ZNF280D: variants seen among roughly 807,000 people sequenced by gnomAD.
ZNF280D encodes the protein zinc finger protein 280D.
ZNF280D carries 39 observed loss-of-function variants against 94.7 expected under a neutral mutation model. The observed-to-expected ratio is 0.41, with a 90% CI of 0.32 to 0.54. ZNF280D has a LOEUF of 0.54. Ranked by LOEUF, ZNF280D falls within the 20% of genes least tolerant of loss-of-function variation. The pLI is 0.22. For synonymous variants in ZNF280D, 398 were observed against 377.6 expected, an observed-to-expected ratio of 1.05 and a Z score of -0.63; for missense variants, 1,090 against 1,149.3, an observed-to-expected ratio of 0.95 and a Z score of 0.75.
intron 6 of ZNF280D, 144 bp downstream of exon 6, chr15:56,700,789 A>G: frequency 6.5e-7 from 1 of 1,543,308 alleles, no homozygotes. Context: ...GCTAGCGAAA[A>G]TATGGTGACA....
chr15:56,657,432 T>G (rs57365637), intron 17 of ZNF280D, among the ~76,000 whole-genome samples: 1,827 of 152,256 alleles, frequency 0.012, 36 homozygotes, highest in African/African-American at 0.042. Context: ...CTTTTTAATA[T>G]TCAAATATTG....
chr15:56,635,087 T>C, intron 21 of ZNF280D, 108 bp downstream of exon 21: 3 of 560,184 alleles, frequency 5.4e-6, no homozygotes, highest in African/African-American at 4.0e-5. Context: ...AATAGCACTA[T>C]ATACAAACAT....
intron 9 of ZNF280D, among the ~76,000 whole-genome samples, chr15:56,685,188 G>A (rs994493798): frequency 5.9e-5 from 9 of 152,090 alleles, no homozygotes; most frequent in African/African-American, 1.9e-4. Context: ...CGACCTCACA[G>A]AAAGATGTTT....
chr15:56,733,113 A>G (rs1310265331), intron 1 of ZNF280D: 1 of 152,814 alleles, frequency 6.5e-6, no homozygotes, highest in African/African-American at 2.4e-5. Context: ...AGTTGCCTCC[A>G]GAGAGAAAAG....
chr15:56,637,969 T>C (rs1239154431), intron 20 of ZNF280D, among the ~76,000 whole-genome samples: 1 of 152,192 alleles, frequency 6.6e-6, no homozygotes, highest in East Asian at 1.9e-4. Flanking sequence ...GGGTCTGTGA[T>C]TGAGTTGTGA....
intron 16 of ZNF280D, among the ~76,000 whole-genome samples, chr15:56,666,108 G>C (rs1430342832): frequency 7.9e-5 from 12 of 152,210 alleles, no homozygotes; most frequent in African/African-American, 2.6e-4. Context: ...TCCAGCCTGG[G>C]CAACAGAGCG....
chr15:56,707,363 T>TCTA, intron 1 of ZNF280D, 57 bp from the exon 2 acceptor site: 4 of 1,415,986 alleles, frequency 2.8e-6, no homozygotes, highest in Non-Finnish European at 2.8e-6. Flanking sequence ...GATGTATACA[T>TCTA]ATTTAATCTT....
intron 15 of ZNF280D, 52 bp downstream of exon 15, chr15:56,666,627 A>C: frequency 1.3e-6 from 2 of 1,516,506 alleles, no homozygotes; most frequent in Non-Finnish European, 1.8e-6. Flanking sequence ...CTAAAGTATA[A>C]GTTTTTATAC....
chr15:56,701,088 AC>A lies in ZNF280D; in HGVS notation c.242-17del, dbSNP rs2057037246. 1.2e-6 allele frequency: 2 copies of A among 1,613,128 alleles called. No individual in the cohort carries two copies. Among genetic ancestry groups the A allele is most frequent in the African/African-American group, 2.7e-5 (2 of 74,862 alleles). On this transcript the variant is annotated splice_polypyrimidine_tract_variant and intron_variant, in intron 5 of 21. Transcript: ENST00000267807. ...GCAGTAATACCTGTATTTTAAAGTA[AC>A]ACAATATATGGAAATTATTTGTACA...
At chr15:56,727,353 G>A (rs1241780961) in intron 1 of ZNF280D, among the ~76,000 whole-genome samples, 3 of 152,222 alleles carry the variant, frequency 2.0e-5, no homozygotes, top group Non-Finnish European at 2.9e-5. Flanking sequence ...CAGCTACTCG[G>A]GAGGCTGAGG....
intron 17 of ZNF280D, 94 bp from the exon 18 acceptor site, chr15:56,654,597 C>A: frequency 8.9e-7 from 1 of 1,123,720 alleles, no homozygotes. Context: ...CTTTTTGTGC[C>A]ATACATAACT....
At chr15:56,704,048 T>G in intron 4 of ZNF280D, 73 bp downstream of exon 4, 1 of 1,538,892 alleles carries the variant, frequency 6.5e-7, no homozygotes, top group Non-Finnish European at 8.9e-7. Flanking sequence ...AACTACCTAT[T>G]AAACAGTTCA....
In ZNF280D at chr15:56,704,098, T is replaced by C. The variant is rs778311178; in HGVS notation, c.175+23A>G. 24 of 1,611,912 alleles carry C rather than the reference T, an allele frequency of 1.5e-5. No homozygotes were observed. In the East Asian group the frequency reaches 4.5e-4, roughly 30 times the overall value. Reference sequence around the variant, plus strand: ...AGAAATAATACCTTATAAAGCTTGGTTTCACTAAAAGTAAATGCTTACTTG... The same window carrying C: ...AGAAATAATACCTTATAAAGCTTGGCTTCACTAAAAGTAAATGCTTACTTG... On this transcript the variant is annotated intron_variant, in intron 4 of 21. Transcript: ENST00000267807.
chr15:56,663,356 A>G (rs1039048059), intron 16 of ZNF280D, among the ~76,000 whole-genome samples: 1 of 151,958 alleles, frequency 6.6e-6, no homozygotes. Context: ...AGATTAACCA[A>G]CTTACAGGGA....
chr15:56,733,304 G>A (rs2058996992), intron 1 of ZNF280D, among the ~76,000 whole-genome samples, 154 bp downstream of exon 1: 1 of 152,060 alleles, frequency 6.6e-6, no homozygotes, highest in East Asian at 1.9e-4. Flanking sequence ...CCGCCGCGCA[G>A]CCGGTCTCCT....
At chr15:56,692,572 A>C (rs1307327455) in intron 7 of ZNF280D, among the ~76,000 whole-genome samples, 4 of 152,122 alleles carry the variant, frequency 2.6e-5, no homozygotes, top group African/African-American at 9.6e-5. Context: ...AAAGTTCACT[A>C]ATCCTTCAAT....
chr15:56,657,653 T>G (rs1030092781), intron 17 of ZNF280D, among the ~76,000 whole-genome samples: 5 of 152,234 alleles, frequency 3.3e-5, no homozygotes, highest in Admixed American at 1.3e-4. Context: ...TAAAAAAAGT[T>G]ATAGCAAACC....
At chr15:56,719,787 ATATAAAAGT>A (rs1318661074) in intron 1 of ZNF280D, among the ~76,000 whole-genome samples, 1 of 152,016 alleles carries the variant, frequency 6.6e-6, no homozygotes, top group African/African-American at 2.4e-5. Context: ...TTCTCAGTGA[ATATAAAAGT>A]TAGGTTTACA....
chr15:56,660,062 A>T (rs2053830729), intron 16 of ZNF280D, among the ~76,000 whole-genome samples: 1 of 152,118 alleles, frequency 6.6e-6, no homozygotes, highest in African/African-American at 2.4e-5. Flanking sequence ...AATTACTATT[A>T]GAGTTTACAA....
Sources: allele counts gnomAD v4.1 joint callset (sites outside exome capture counted in the v4.1 genomes callset), GRCh38; gene constraint gnomAD v4.1.1; transcripts MANE v1.5; gene names NCBI Gene and HGNC (gene_info 2026-07-23, HGNC 2026-07-21).